Variants in ACVR1B observed in about 807,000 individuals in gnomAD.
ACVR1B encodes the protein activin receptor type-1B.
Under a neutral mutation model 55.6 loss-of-function variants are expected in ACVR1B, and 15 were observed. The ratio of observed to expected loss-of-function variants is 0.27; its 90% CI spans 0.18 to 0.42. The LOEUF is 0.42. Ranked by LOEUF, ACVR1B falls within the 10% of genes least tolerant of loss-of-function variation. The pLI, the probability that ACVR1B is intolerant of heterozygous loss-of-function variation, is 1.00. For missense variants in ACVR1B, 359 were observed against 670.1 expected (o/e 0.54, Z 5.13); for synonymous variants, 247 against 254.6 (o/e 0.97, Z 0.28).
At chr12:51,992,796 C>T (rs1229202792) in intron 8 of ACVR1B, among the ~76,000 whole-genome samples, 6 of 152,152 alleles carry the variant, frequency 3.9e-5, no homozygotes, top group African/African-American at 9.6e-5. Context: ...TTGGGAGAGA[C>T]GGCAGATGAA....
intron 1 of ACVR1B, among the ~76,000 whole-genome samples, chr12:51,960,796 A>G (rs1165316403): frequency 2.6e-5 from 4 of 152,172 alleles, no homozygotes; most frequent in African/African-American, 9.7e-5. Context: ...TTTCCATCCT[A>G]CGGCTAGATC....
intron 2 of ACVR1B, among the ~76,000 whole-genome samples, chr12:51,975,803 G>A (rs1238300802): frequency 6.6e-6 from 1 of 152,190 alleles, no homozygotes; most frequent in Non-Finnish European, 1.5e-5. Context: ...GAGGATGTGG[G>A]ACTGATCCAG....
chr12:51,953,874 T>A (rs549768676), intron 1 of ACVR1B, among the ~76,000 whole-genome samples: 1 of 152,212 alleles, frequency 6.6e-6, no homozygotes, highest in East Asian at 1.9e-4. Flanking sequence ...GGTGGGTGAG[T>A]AAAATAGGGA....
At chr12:51,984,292 A>G (rs1942037656) in intron 5 of ACVR1B, 126 bp downstream of exon 5, 48 of 1,148,570 alleles carry the variant, frequency 4.2e-5, no homozygotes, top group Admixed American at 1.6e-4. Flanking sequence ...CTCTAGTTTA[A>G]TTTAAAGGAA....
rs953028798 is a variant in ACVR1B, at chr12:51,975,458, C to T, written c.285C>T (p.Cys95=). Residue 95 remains cysteine (C), a synonymous_variant, in exon 2 of 9, where the codon TGC becomes TGT. Transcript: ENST00000257963. ...LSSEDLRNTH[C]CYTDYCNRID... ...CGGAGGACCTGCGCAACACCCACTG[C>T]TGCTACACTGACTACTGCAACAGGA... is the stretch of plus-strand genomic sequence containing the variant. The T allele has an allele frequency of 6.2e-7, 1 of 1,614,266 alleles. No homozygotes were observed. The highest frequency in any genetic ancestry group is 1.7e-5 in the Admixed American group (1 of 60,030).
intron 8 of ACVR1B, among the ~76,000 whole-genome samples, chr12:51,993,683 C>G (rs1037397419): frequency 1.4e-5 from 2 of 139,804 alleles, no homozygotes; most frequent in African/African-American, 5.3e-5. Context: ...AGGAGAATCA[C>G]TTGAACCCGG....
chr12:51,990,501 G>A (rs1302892953), intron 7 of ACVR1B, among the ~76,000 whole-genome samples: 1 of 151,514 alleles, frequency 6.6e-6, no homozygotes, highest in African/African-American at 2.4e-5. Flanking sequence ...TTTTTGTGGA[G>A]ACAAGGGTTT....
intron 8 of ACVR1B, 53 bp from the exon 9 acceptor site, chr12:51,993,932 G>A: frequency 3.1e-6 from 5 of 1,604,628 alleles, no homozygotes; most frequent in Non-Finnish European, 4.3e-6. Context: ...CTAGGGACCA[G>A]AAAGGCTTCT....
chr12:51,970,501 T>C (rs1941725956), intron 1 of ACVR1B, among the ~76,000 whole-genome samples: 1 of 152,196 alleles, frequency 6.6e-6, no homozygotes, highest in African/African-American at 2.4e-5. Flanking sequence ...TGTTTTCTTA[T>C]GGGAAACAAA....
rs750934018 is a variant in ACVR1B at position 51,980,956 on chromosome 12, C to G, written c.581-13C>G. On this transcript the variant is annotated splice_polypyrimidine_tract_variant and intron_variant, in intron 3 of 8. Coordinates refer to ENST00000257963, the MANE Select transcript of ACVR1B (RefSeq NM_004302.5). Reference sequence around the variant, plus strand: ...TTGCAATGTCAGGTTTCTTCCTATTCTTTGGTTCACAGGGTTACCCCTCTT... The same window carrying G: ...TTGCAATGTCAGGTTTCTTCCTATTGTTTGGTTCACAGGGTTACCCCTCTT... 1 of 1,574,226 alleles carries G rather than the reference C, an allele frequency of 6.4e-7. No homozygotes were observed. The highest frequency in any genetic ancestry group is 1.9e-5 in the Admixed American group (1 of 53,562).
At chr12:51,989,188 G>GA (rs562068986) in intron 7 of ACVR1B, among the ~76,000 whole-genome samples, 1 of 151,780 alleles carries the variant, frequency 6.6e-6, no homozygotes, top group African/African-American at 2.4e-5. Context: ...CTACTTAAAA[G>GA]AAAAAAAATT....
chr12:51,975,452 C>T lies in ACVR1B; in HGVS notation c.279C>T (p.Thr93=). Residue 93 remains threonine, a synonymous_variant, in exon 2 of 9, where the codon ACC becomes ACT. Transcript: ENST00000257963. The stretch of plus-strand genomic sequence containing the variant: ...TGAGCTCGGAGGACCTGCGCAACAC[C>T]CACTGCTGCTACACTGACTACTGCA... The part of the protein sequence containing the change: ...YCLSSEDLRN[T]HCCYTDYCNR... The T allele has an allele frequency of 1.2e-6, 2 of 1,614,200 alleles. No individual in the cohort carries two copies. Among genetic ancestry groups the T allele is most frequent in the Non-Finnish European group, 1.7e-6 (2 of 1,180,038 alleles).
At chr12:51,992,022 C>T (rs929924598) in intron 8 of ACVR1B, 29 bp downstream of exon 8, 5 of 1,614,098 alleles carry the variant, frequency 3.1e-6, no homozygotes, top group African/African-American at 1.3e-5. Context: ...GCGGCTTTCC[C>T]ATCAGCCTGA....
intron 4 of ACVR1B, among the ~76,000 whole-genome samples, chr12:51,983,609 C>T (rs184628342): frequency 3.3e-4 from 50 of 152,322 alleles, no homozygotes; most frequent in African/African-American, 1.0e-3. Context: ...GTGGTTCTCC[C>T]GTGCAGATGA....
At chr12:51,959,168 C>G (rs1007265701) in intron 1 of ACVR1B, among the ~76,000 whole-genome samples, 1 of 152,214 alleles carries the variant, frequency 6.6e-6, no homozygotes, top group African/African-American at 2.4e-5. Flanking sequence ...CAGTCAAATG[C>G]TAGTCTTTGT....
chr12:51,962,196 T>C (rs1040183048), intron 1 of ACVR1B, among the ~76,000 whole-genome samples: 5 of 152,212 alleles, frequency 3.3e-5, no homozygotes, highest in East Asian at 1.9e-4. Context: ...CTTTCTCTTA[T>C]GCAAACCCCA....
At chr12:51,993,877 G>T in intron 8 of ACVR1B, 108 bp from the exon 9 acceptor site, 2 of 1,400,154 alleles carry the variant, frequency 1.4e-6, no homozygotes, top group Non-Finnish European at 9.5e-7. Context: ...ATGTGGATCT[G>T]CCAGACTGCA....
intron 3 of ACVR1B, among the ~76,000 whole-genome samples, chr12:51,980,237 AG>A (rs1364696517): frequency 6.6e-6 from 1 of 152,210 alleles, no homozygotes; most frequent in African/African-American, 2.4e-5. Flanking sequence ...AGTAAATGGT[AG>A]TTCCCATCTA....
chr12:51,979,983 G>A (rs1429710200), intron 3 of ACVR1B, among the ~76,000 whole-genome samples: 1 of 152,072 alleles, frequency 6.6e-6, no homozygotes, highest in African/African-American at 2.4e-5. Flanking sequence ...GAAACATTTT[G>A]GTGGTTCTAT....
Sources: gnomAD v4.1 joint callset for allele counts (sites outside exome capture counted in the v4.1 genomes callset) on GRCh38, gnomAD v4.1.1 for gene constraint, MANE v1.5 for transcripts, NCBI Gene and HGNC (gene_info 2026-07-23, HGNC 2026-07-21) for gene names.